Variants in ABCC1 observed in about 807,000 individuals in gnomAD.
ABCC1 encodes ATP binding cassette subfamily C member 1 (ABCC1 blood group), also known as multidrug resistance-associated protein 1.
A neutral mutation model predicts 172.9 loss-of-function variants in ABCC1; 83 were observed. The ratio of observed to expected loss-of-function variants is 0.48; its 90% CI spans 0.40 to 0.58. The LOEUF is 0.58. ABCC1 is among the 20% of genes least tolerant of loss of function. The pLI, the probability that ABCC1 is intolerant of heterozygous loss-of-function variation, is 0.00. For synonymous variants in ABCC1, 937 were observed against 825.2 expected (o/e 1.14, Z -2.32); for missense variants, 1,817 against 2,002.7 (o/e 0.91, Z 1.77).
At chr16:16,015,532 T>G (rs2047962655) in intron 4 of ABCC1, among the ~76,000 whole-genome samples, 2 of 152,194 alleles carry the variant, frequency 1.3e-5, no homozygotes. Context: ...AAGCTGAACA[T>G]TTGACTATTG....
rs1337887806 is a variant in ABCC1, at chr16:16,009,662, T to G, written c.226-114T>G. On this transcript the variant is annotated intron_variant, in intron 2 of 30. Transcript: ENST00000399410. ...ATGTGCCATGTCCTAGGACTGTGGC[T>G]GATCATTTGAAGGCTGGCTGGTTCT... is the stretch of plus-strand genomic sequence containing the variant. The G allele has an allele frequency of 2.6e-6, 3 of 1,152,434 alleles. No individual in the cohort carries two copies. In the Admixed American group the frequency reaches 8.1e-5, roughly 31 times the overall value. 71.4% of individuals were successfully genotyped at this position (1,152,434 alleles called of 1,614,324 possible).
chr16:16,063,377 G>T (rs940261361), intron 12 of ABCC1, among the ~76,000 whole-genome samples: 2 of 152,134 alleles, frequency 1.3e-5, no homozygotes, highest in African/African-American at 4.8e-5. Context: ...CAAAGTGCTG[G>T]GATTGCAGGT....
intron 1 of ABCC1, among the ~76,000 whole-genome samples, chr16:15,998,184 G>A (rs2047124731): frequency 6.9e-6 from 1 of 145,682 alleles, no homozygotes; most frequent in Non-Finnish European, 1.5e-5. Context: ...TGCCTGGGTG[G>A]GACGATCAAA....
At chr16:16,084,851 C>A (rs2050946988) in intron 17 of ABCC1, among the ~76,000 whole-genome samples, 1 of 152,136 alleles carries the variant, frequency 6.6e-6, no homozygotes, top group Admixed American at 6.5e-5. Flanking sequence ...GAACTCCTGG[C>A]CTCAGGTGAT....
chr16:16,035,506 C>G (rs200365060), intron 6 of ABCC1, among the ~76,000 whole-genome samples: 1 of 98,406 alleles, frequency 1.0e-5, no homozygotes, highest in Non-Finnish European at 2.2e-5. Flanking sequence ...TTTTTTTTTT[C>G]TTTTTATAGG....
At chr16:16,090,627 T>TGGC in intron 19 of ABCC1, 39 bp downstream of exon 19, 1 of 1,518,902 alleles carries the variant, frequency 6.6e-7, no homozygotes, top group Non-Finnish European at 8.8e-7. Flanking sequence ...TCAGGGTGTC[T>TGGC]GGCACCTTGA....
chr16:16,083,313 T>C, intron 16 of ABCC1, 53 bp from the exon 17 acceptor site: 2 of 1,568,610 alleles, frequency 1.3e-6, no homozygotes, highest in South Asian at 2.3e-5. Flanking sequence ...GTTGTCTCGT[T>C]GATCAGATCT....
chr16:15,987,258 T>G (rs1567288096), intron 1 of ABCC1, among the ~76,000 whole-genome samples: 1 of 152,380 alleles, frequency 6.6e-6, no homozygotes, highest in East Asian at 1.9e-4. Flanking sequence ...CTGTGTGCTC[T>G]GGCTCATGTT....
At chr16:16,002,547 T>C (rs2047351798) in intron 1 of ABCC1, among the ~76,000 whole-genome samples, 2 of 151,850 alleles carry the variant, frequency 1.3e-5, no homozygotes, top group African/African-American at 4.8e-5. Context: ...CCAAGGCGAG[T>C]GGATCGCTTG....
intron 1 of ABCC1, among the ~76,000 whole-genome samples, chr16:15,972,692 G>A (rs931122915): frequency 6.6e-6 from 1 of 151,610 alleles, no homozygotes. Flanking sequence ...CAGGAAAAAT[G>A]AGCATTTGGT....
intron 5 of ABCC1, among the ~76,000 whole-genome samples, chr16:16,019,671 G>C (rs188865893): frequency 6.6e-6 from 1 of 152,160 alleles, no homozygotes; most frequent in African/African-American, 2.4e-5. Context: ...TCCCCTGGGC[G>C]TGTGTGTACC....
At chr16:16,089,595 C>T (rs1020701997) in intron 18 of ABCC1, among the ~76,000 whole-genome samples, 16 of 151,346 alleles carry the variant, frequency 1.1e-4, no homozygotes, top group Non-Finnish European at 2.1e-4. Flanking sequence ...TTGGGCTGGG[C>T]GCAGCGGCTC....
intron 1 of ABCC1, among the ~76,000 whole-genome samples, chr16:16,004,325 T>C (rs1221473382): frequency 1.3e-5 from 2 of 152,162 alleles, no homozygotes; most frequent in Non-Finnish European, 2.9e-5. Flanking sequence ...TAACTGCATA[T>C]GTCAAGTCTT....
At chr16:16,082,206 A>G (rs1437575034) in intron 16 of ABCC1, among the ~76,000 whole-genome samples, 2 of 152,226 alleles carry the variant, frequency 1.3e-5, no homozygotes, top group African/African-American at 4.8e-5. Flanking sequence ...AGGCCTTCGC[A>G]TGTGCTGTTC....
chr16:16,071,707 C>T lies in ABCC1; in HGVS notation c.1890C>T (p.Ile630=), dbSNP rs1250431479. The part of the protein sequence containing the change: ...LSHEELEPDS[I]ERRPVKDGGG... ...ATGAGGAGCTGGAACCTGACAGCATCGAGCGACGGCCTGTCAAAGACGGTG... is the reference window on the plus strand; with the variant it reads ...ATGAGGAGCTGGAACCTGACAGCATTGAGCGACGGCCTGTCAAAGACGGTG... The change falls in exon 14 of 31, where the codon ATC becomes ATT. Residue 630 remains isoleucine, a synonymous_variant. Coordinates refer to ENST00000399410, the MANE Select transcript of ABCC1 (RefSeq NM_004996.4). The T allele has an allele frequency of 8.7e-6, 14 of 1,613,714 alleles. No individual in the cohort carries two copies. Among genetic ancestry groups the T allele is most frequent in the Middle Eastern group, 1.6e-4 (1 of 6,084 alleles).
At chr16:16,108,930 CCA>C (rs2052266104) in intron 21 of ABCC1, among the ~76,000 whole-genome samples, 1 of 151,950 alleles carries the variant, frequency 6.6e-6, no homozygotes, top group Admixed American at 6.6e-5. Flanking sequence ...CCACCACATT[CCA>C]CTACTCATGA....
At chr16:16,137,757 T>C (rs776417331) in intron 29 of ABCC1, among the ~76,000 whole-genome samples, 1 of 152,032 alleles carries the variant, frequency 6.6e-6, no homozygotes. Flanking sequence ...ATCACCACAT[T>C]GTCCAGGCTA....
intron 26 of ABCC1, among the ~76,000 whole-genome samples, chr16:16,130,209 G>A (rs1567438256): frequency 1.3e-5 from 2 of 152,212 alleles, no homozygotes; most frequent in Admixed American, 6.5e-5. Context: ...GAGACACTGC[G>A]ATACAGATGC....
Position 16,071,646 on chromosome 16 carries a change from G to A in ABCC1, c.1829G>A (p.Ser610Asn), listed in dbSNP as rs1386094463. ...PMVISSIVQA[S>N]VSLKRLRIFL... ...CTGCCATTGCTCTCTGTACAGGCGA[G>A]TGTCTCCCTCAAACGCCTGAGGATC... The change falls in exon 14 of 31, where the codon AGT becomes AAT. Residue 610 changes from serine (S) to asparagine (N), a missense_variant. By Grantham distance (46) the Ser-to-Asn change is conservative. Transcript: ENST00000399410. The A allele has an allele frequency of 5.0e-6, 8 of 1,613,890 alleles. No homozygotes were observed. Among genetic ancestry groups the A allele is most frequent in the Non-Finnish European group, 6.8e-6 (8 of 1,179,876 alleles).
Sources: gnomAD v4.1 joint callset for allele counts (sites outside exome capture counted in the v4.1 genomes callset) on GRCh38, gnomAD v4.1.1 for gene constraint, MANE v1.5 for transcripts, NCBI Gene and HGNC (gene_info 2026-07-23, HGNC 2026-07-21) for gene names.